LURAP1L: variants seen among roughly 807,000 people sequenced by gnomAD.
LURAP1L encodes the protein leucine rich adaptor protein 1 like, also known as leucine rich adaptor protein 1-like.
Under a neutral mutation model 13.8 loss-of-function variants are expected in LURAP1L, and 12 were observed. That is an observed-to-expected ratio of 0.87 (90% CI 0.56 to 1.41). The LOEUF is 1.41. Among genes scored for constraint, LURAP1L ranks in the 40% most tolerant of loss-of-function variants. The probability of loss-of-function intolerance (pLI) is 0.00; values close to 1 mark genes in which losing one functional copy is unlikely to be tolerated. For synonymous variants in LURAP1L, 139 were observed against 119.2 expected (o/e 1.17, Z -1.08); for missense variants, 375 against 292.9 (o/e 1.28, Z -2.04).
intron 1 of LURAP1L, among the ~76,000 whole-genome samples, chr9:12,810,826 G>C (rs1648962752): frequency 6.6e-6 from 1 of 152,160 alleles, no homozygotes; most frequent in African/African-American, 2.4e-5. Flanking sequence ...CATCTGGAGA[G>C]TCCCACCCAA....
chr9:12,803,897 C>T (rs1384573900), intron 1 of LURAP1L, among the ~76,000 whole-genome samples: 1 of 152,120 alleles, frequency 6.6e-6, no homozygotes, highest in African/African-American at 2.4e-5. Flanking sequence ...ATGTAAACAG[C>T]TACATGAAAT....
chr9:12,790,207 C>T (rs1323530922), intron 1 of LURAP1L, among the ~76,000 whole-genome samples: 3 of 152,076 alleles, frequency 2.0e-5, no homozygotes, highest in Non-Finnish European at 4.4e-5. Context: ...TGTCACTTTC[C>T]TATTGTGCCA....
At chr9:12,784,209 T>C (rs1007211881) in intron 1 of LURAP1L, among the ~76,000 whole-genome samples, 14 of 152,188 alleles carry the variant, frequency 9.2e-5, no homozygotes, top group Non-Finnish European at 4.4e-5. Flanking sequence ...CCTTATTTAG[T>C]TCATTTGGTG....
At chr9:12,815,127 G>C (rs1444607901) in intron 1 of LURAP1L, among the ~76,000 whole-genome samples, 2 of 152,132 alleles carry the variant, frequency 1.3e-5, no homozygotes, top group Non-Finnish European at 2.9e-5. Context: ...ACAGAGGAGT[G>C]ATTTATAAGT....
At chr9:12,786,581 T>TATATATATATAC in intron 1 of LURAP1L, among the ~76,000 whole-genome samples, 1 of 121,452 alleles carries the variant, frequency 8.2e-6, no homozygotes, top group African/African-American at 2.8e-5. Context: ...TATATATATA[T>TATATATATATAC]AAACCCTTGT....
At position 12,775,862 on chromosome 9, in the gene LURAP1L, T is replaced by TGGCGGCGGCGGCGGCGGCGGCGGCGGC; in HGVS notation, c.165_166insGGCGGCGGCGGCGGCGGCGGCGGCGGC (p.Gly47_Gly55dup). The TGGCGGCGGCGGCGGCGGCGGCGGCGGC allele has an allele frequency of 6.6e-7, 1 of 1,511,048 alleles. No individual in the cohort carries two copies. Among genetic ancestry groups the TGGCGGCGGCGGCGGCGGCGGCGGCGGC allele is most frequent in the Middle Eastern group, 1.7e-4 (1 of 5,810 alleles). The allele number at this position is 1,511,048 out of a possible 1,614,324, so 93.6% of individuals were successfully genotyped here. On this transcript the variant is annotated inframe_insertion, in exon 1 of 2. Coordinates refer to ENST00000319264, the MANE Select transcript of LURAP1L (RefSeq NM_203403.2). ...ACCCCTGCGGGGGGAGCGGTGGTGG[T>TGGCGGCGGCGGCGGCGGCGGCGGCGGC]GGCGGCGGCGGCGGCGGCTGCAGTA...
At chr9:12,782,734 T>C (rs765474937) in intron 1 of LURAP1L, among the ~76,000 whole-genome samples, 1 of 152,180 alleles carries the variant, frequency 6.6e-6, no homozygotes, top group Non-Finnish European at 1.5e-5. Flanking sequence ...AATTTTAGGA[T>C]CTTTTTTCTA....
chr9:12,821,585 G>A lies in LURAP1L; in HGVS notation c.512G>A (p.Ser171Asn). 6.2e-7 allele frequency: 1 copy of A among 1,614,188 alleles called. No individual in the cohort carries two copies. The highest frequency in any genetic ancestry group is 1.1e-5 in the South Asian group (1 of 91,086). Reference sequence around the variant, plus strand: ...AGCTACAACAGCCTACACGATGGCAGTGATGGGCTGGATGGCATTTCCGTG... The same window carrying A: ...AGCTACAACAGCCTACACGATGGCAATGATGGGCTGGATGGCATTTCCGTG... ...RGSYNSLHDGSDGLDGISVGS... is the reference protein window; with the variant it reads ...RGSYNSLHDGNDGLDGISVGS... The change falls in exon 2 of 2, where the codon AGT becomes AAT. Residue 171 changes from serine (S) to asparagine (N), a missense_variant. By Grantham distance (46) the Ser-to-Asn change is conservative (BLOSUM62 1). Coordinates refer to ENST00000319264, the MANE Select transcript of LURAP1L (RefSeq NM_203403.2).
intron 1 of LURAP1L, among the ~76,000 whole-genome samples, chr9:12,793,909 T>C (rs766337427): frequency 6.6e-6 from 1 of 152,068 alleles, no homozygotes; most frequent in Non-Finnish European, 1.5e-5. Flanking sequence ...AATAAATAAA[T>C]AACAAGGCTT....
rs546360788 is a variant in LURAP1L, at chr9:12,784,848, A to C, written c.312+8821A>C. 4.0e-5 allele frequency among the ~76,000 whole-genome samples: 6 copies of C among 149,192 alleles called. No individual in the cohort carries two copies. In the East Asian group the frequency reaches 1.2e-3, roughly 31 times the overall value. On this transcript the variant is annotated intron_variant, in intron 1 of 1. Coordinates refer to ENST00000319264, the MANE Select transcript of LURAP1L (RefSeq NM_203403.2). ...TGGGAGGGAGGGTCTGGAGTCGGGA[A>C]CTTTAGGAATCTAGAATCTACTTGG...
Position 12,775,937 on chromosome 9 carries a change from G to A in LURAP1L, c.222G>A (p.Ser74=), listed in dbSNP as rs1563883510. The change falls in exon 1 of 2, where the codon TCG becomes TCA. Residue 74 remains serine (S), a synonymous_variant. Transcript: ENST00000319264. The stretch of plus-strand genomic sequence containing the variant: ...CTCCCTCCTTGTCGTCCTCCTCTTC[G>A]TCCTCCCCAACCTCTGGCTCCCCAC... ...SFPPSLSSSS[S]SSPTSGSPRG... 4 of 1,580,226 alleles carry A rather than the reference G, an allele frequency of 2.5e-6. No homozygotes were observed. Among genetic ancestry groups the A allele is most frequent in the Non-Finnish European group, 2.6e-6 (3 of 1,163,334 alleles).
chr9:12,798,914 C>A lies in LURAP1L; in HGVS notation c.313-22472C>A, dbSNP rs1819546899. ...AATATCCAATATAATAGGGTAGAAT[C>A]ATTCATGAATGCTCATGCAGGTCAG... On this transcript the variant is annotated intron_variant, in intron 1 of 1. Transcript: ENST00000319264. 2.6e-5 allele frequency among the ~76,000 whole-genome samples: 4 copies of A among 152,142 alleles called. No homozygotes were observed. In the South Asian group the frequency reaches 8.3e-4, roughly 31 times the overall value.
chr9:12,776,511 G>A lies in LURAP1L; in HGVS notation c.312+484G>A, dbSNP rs183753146. On this transcript the variant is annotated intron_variant, in intron 1 of 1. Coordinates refer to ENST00000319264, the MANE Select transcript of LURAP1L (RefSeq NM_203403.2). Reference sequence around the variant, plus strand: ...AGGGTCCTTGCAGCCTTTCCTCCTAGCTCACCCTTCCACCAGTACCGCTCC... The same window carrying A: ...AGGGTCCTTGCAGCCTTTCCTCCTAACTCACCCTTCCACCAGTACCGCTCC... 4.2e-3 allele frequency among the ~76,000 whole-genome samples: 643 copies of A among 152,070 alleles called. 6 individuals are homozygous for A. Among genetic ancestry groups the A allele is most frequent in the African/African-American group, 0.015 (608 of 41,476 alleles).
chr9:12,792,636 C>T (rs993498486), intron 1 of LURAP1L, among the ~76,000 whole-genome samples: 3 of 152,066 alleles, frequency 2.0e-5, no homozygotes, highest in Admixed American at 2.0e-4. Context: ...TATGCTATCA[C>T]TATTATCATA....
At position 12,775,779 on chromosome 9, in the gene LURAP1L, G is replaced by T. The variant is rs1819163700; in HGVS notation, c.64G>T (p.Glu22Ter). The T allele has an allele frequency of 6.2e-7, 1 of 1,609,952 alleles. No individual in the cohort carries two copies. Among genetic ancestry groups the T allele is most frequent in the Non-Finnish European group, 8.5e-7 (1 of 1,178,796 alleles). Residue 22 changes from glutamate to a stop codon, truncating the protein, a stop_gained, in exon 1 of 2, where the codon GAG becomes TAG. Transcript: ENST00000319264. LOFTEE classifies it high-confidence loss of function. ...IELKLGRKVP[E>*]SLVRSLRGEE... is the part of the protein sequence containing the mutation. ...GCTGAAGCTGGGGCGCAAAGTACCC[G>T]AGAGTCTAGTGCGCTCTCTCCGTGG... is the stretch of plus-strand genomic sequence containing the variant.
intron 1 of LURAP1L, among the ~76,000 whole-genome samples, chr9:12,790,172 A>G (rs1048643834): frequency 6.6e-5 from 10 of 152,192 alleles, no homozygotes; most frequent in African/African-American, 2.4e-4. Flanking sequence ...GTCTGTGGAC[A>G]AAATTCTCTA....
At chr9:12,793,838 G>A (rs773292447) in intron 1 of LURAP1L, among the ~76,000 whole-genome samples, 1 of 152,002 alleles carries the variant, frequency 6.6e-6, no homozygotes, top group Non-Finnish European at 1.5e-5. Context: ...AAATGGAACT[G>A]CTCAAACATT....
At chr9:12,812,955 C>T (rs1193476873) in intron 1 of LURAP1L, among the ~76,000 whole-genome samples, 1 of 152,072 alleles carries the variant, frequency 6.6e-6, no homozygotes, top group Non-Finnish European at 1.5e-5. Context: ...AGAAAAGACA[C>T]TAAAAACTTT....
intron 1 of LURAP1L, among the ~76,000 whole-genome samples, chr9:12,779,266 CTTTTTT>C (rs71329885): frequency 4.4e-5 from 4 of 90,256 alleles, no homozygotes; most frequent in Admixed American, 3.0e-4. Flanking sequence ...ATCTTATAAT[CTTTTTT>C]TTTTTTTTTT....
Sources: gnomAD v4.1 joint callset for allele counts (sites outside exome capture counted in the v4.1 genomes callset) on GRCh38, gnomAD v4.1.1 for gene constraint, MANE v1.5 for transcripts, NCBI Gene and HGNC (gene_info 2026-07-23, HGNC 2026-07-21) for gene names.